Variants in KATNA1 observed in about 807,000 individuals in gnomAD.
The protein encoded by KATNA1 is katanin catalytic subunit A1.
KATNA1 carries 42 observed loss-of-function variants against 62.6 expected under a neutral mutation model. The ratio of observed to expected loss-of-function variants is 0.67; its 90% confidence interval spans 0.52 to 0.87. KATNA1 has a LOEUF of 0.87. Ranked by LOEUF, KATNA1 falls within the 40% of genes least tolerant of loss-of-function variation. The probability of loss-of-function intolerance (pLI) is 0.00; values close to 1 mark genes in which losing one functional copy is unlikely to be tolerated. For synonymous variants in KATNA1, 186 were observed against 201.9 expected (o/e 0.92, Z 0.67); for missense variants, 498 against 612.5 (o/e 0.81, Z 1.97).
intron 1 of KATNA1, among the ~76,000 whole-genome samples, chr6:149,640,827 G>A (rs9689217): frequency 0.27 from 40,512 of 151,602 alleles, 7,042 homozygotes; most frequent in Non-Finnish European, 0.4. Context: ...GATTACAGGC[G>A]TGAGCCACCA....
intron 4 of KATNA1, among the ~76,000 whole-genome samples, chr6:149,607,921 C>T (rs1778802258): frequency 6.6e-6 from 1 of 151,974 alleles, no homozygotes; most frequent in Non-Finnish European, 1.5e-5. Flanking sequence ...CAAAAATTAG[C>T]CAGGTGTGAT....
At chr6:149,618,796 AC>A (rs1225774094) in intron 4 of KATNA1, among the ~76,000 whole-genome samples, 1 of 152,138 alleles carries the variant, frequency 6.6e-6, no homozygotes, top group Non-Finnish European at 1.5e-5. Flanking sequence ...AAGGAGCTAG[AC>A]CCCCTAACTC....
intron 2 of KATNA1, among the ~76,000 whole-genome samples, chr6:149,637,409 T>A (rs1169341501): frequency 6.6e-6 from 1 of 152,038 alleles, no homozygotes; most frequent in Non-Finnish European, 1.5e-5. Flanking sequence ...TCTCAAAAAG[T>A]TTTTTAAAAA....
chr6:149,626,951 T>C (rs562941228), intron 3 of KATNA1, among the ~76,000 whole-genome samples: 19 of 151,986 alleles, frequency 1.3e-4, no homozygotes, highest in Non-Finnish European at 2.5e-4. Context: ...GCCACTGCAC[T>C]CCAGCCTGGG....
intron 4 of KATNA1, among the ~76,000 whole-genome samples, chr6:149,616,568 TG>T (rs1197394425): frequency 1.3e-5 from 2 of 152,204 alleles, no homozygotes; most frequent in Non-Finnish European, 2.9e-5. Flanking sequence ...AAGACCAGCC[TG>T]GCCAACATGG....
intron 3 of KATNA1, among the ~76,000 whole-genome samples, 181 bp from the exon 4 acceptor site, chr6:149,623,464 C>T (rs190174905): frequency 5.3e-5 from 8 of 152,226 alleles, no homozygotes; most frequent in East Asian, 3.9e-4. Flanking sequence ...GGGCAAGGCG[C>T]GGTGGCTCAC....
chr6:149,613,350 A>G (rs113850090), intron 4 of KATNA1, among the ~76,000 whole-genome samples: 1 of 152,190 alleles, frequency 6.6e-6, no homozygotes, highest in Non-Finnish European at 1.5e-5. Flanking sequence ...AATATTTGAC[A>G]TAGTACTGGA....
Position 149,594,934 on chromosome 6 carries a change from C to A in KATNA1, c.*102G>T. ...TAAGGGTTTTTTTAAAAAAATCTTA[C>A]CATTATGAAAGTTAAAAAAAATATA... is the stretch of plus-strand genomic sequence containing the variant. On this transcript the variant is annotated 3_prime_UTR_variant, in exon 11 of 11. Coordinates refer to ENST00000367411, the MANE Select transcript of KATNA1 (RefSeq NM_007044.4). 3 of 869,384 alleles carry A rather than the reference C, an allele frequency of 3.5e-6. No individual in the cohort carries two copies. Among genetic ancestry groups the A allele is most frequent in the Middle Eastern group, 3.5e-4 (1 of 2,842 alleles). 53.9% of individuals were successfully genotyped at this position (869,384 alleles called of 1,614,324 possible).
In KATNA1 at chr6:149,601,685, C is replaced by T. The variant is rs1258126357; in HGVS notation, c.797G>A (p.Cys266Tyr). The stretch of plus-strand genomic sequence containing the variant: ...AGAGACATTGAAGAATGTTGTCTTG[C>T]ATTCTGTAGCTACTGCTTTAGCAAG... ...TLLAKAVATE[C>Y]KTTFFNVSSS... The change falls in exon 7 of 11, where the codon TGC (cysteine) becomes TAC (tyrosine). Residue 266 changes from cysteine to tyrosine, a missense_variant. Around this residue, in one of 3 missense-constraint regions of KATNA1, gnomAD observed 267 missense variants for 372.6 expected, o/e 0.72. Coordinates refer to ENST00000367411, the MANE Select transcript of KATNA1 (RefSeq NM_007044.4). The T allele has an allele frequency of 6.2e-7, 1 of 1,612,894 alleles. No individual in the cohort carries two copies.
chr6:149,618,048 G>A (rs9505981), intron 4 of KATNA1, among the ~76,000 whole-genome samples: 312 of 148,386 alleles, frequency 2.1e-3, no homozygotes, highest in African/African-American at 7.2e-3. Flanking sequence ...CCAGCTACTC[G>A]GCAGGCTGAG....
chr6:149,597,517 A>G lies in KATNA1; in HGVS notation c.1140T>C (p.Pro380=). ...TTGAAAGGAAGATACCTGACGGCAA[A>G]GGAATATAGATTCGTTTCTCAAGGC... The part of the protein sequence containing the change: ...RRRLEKRIYI[P]LPSAKGREEL... Residue 380 remains proline (P), a synonymous_variant, in exon 9 of 11, where the codon CCT becomes CCC. Coordinates refer to ENST00000367411, the MANE Select transcript of KATNA1 (RefSeq NM_007044.4). 1.2e-6 allele frequency: 2 copies of G among 1,613,966 alleles called. No homozygotes were observed. Among genetic ancestry groups the G allele is most frequent in the Non-Finnish European group, 1.7e-6 (2 of 1,179,946 alleles).
intron 1 of KATNA1, among the ~76,000 whole-genome samples, chr6:149,644,807 A>G (rs1188220598): frequency 6.6e-6 from 1 of 152,174 alleles, no homozygotes; most frequent in Non-Finnish European, 1.5e-5. Context: ...TTTAGAAGCC[A>G]ATGAATTGAT....
chr6:149,622,328 C>A (rs1222613441), intron 4 of KATNA1, among the ~76,000 whole-genome samples: 1 of 151,774 alleles, frequency 6.6e-6, no homozygotes, highest in Non-Finnish European at 1.5e-5. Context: ...ACTGTGTTAG[C>A]CAATAATTGT....
chr6:149,613,049 G>A (rs1001489492), intron 4 of KATNA1, among the ~76,000 whole-genome samples: 30 of 150,564 alleles, frequency 2.0e-4, no homozygotes, highest in African/African-American at 3.9e-4. Flanking sequence ...GTGTGGTGGC[G>A]GGCGCCTGTA....
At chr6:149,608,990 T>C (rs2115094845) in intron 4 of KATNA1, among the ~76,000 whole-genome samples, 1 of 152,280 alleles carries the variant, frequency 6.6e-6, no homozygotes, top group Non-Finnish European at 1.5e-5. Context: ...TATGAAAATG[T>C]CCAGGTTTCA....
intron 4 of KATNA1, among the ~76,000 whole-genome samples, chr6:149,621,281 G>A (rs770211665): frequency 2.0e-5 from 3 of 151,216 alleles, no homozygotes; most frequent in Admixed American, 6.6e-5. Context: ...CTGCCACCTC[G>A]CCTGGCTAAT....
intron 3 of KATNA1, 80 bp from the exon 4 acceptor site, chr6:149,623,363 A>G: frequency 1.9e-6 from 2 of 1,034,080 alleles, no homozygotes; most frequent in Non-Finnish European, 2.7e-6. Context: ...TTAAGAGTCT[A>G]TGAACTAAAG....
At chr6:149,615,693 C>T (rs1187158343) in intron 4 of KATNA1, among the ~76,000 whole-genome samples, 3 of 152,016 alleles carry the variant, frequency 2.0e-5, no homozygotes, top group East Asian at 1.9e-4. Context: ...GGTAGGGGCG[C>T]GGATCACTGG....
At chr6:149,596,948 C>T (rs1051067763) in intron 10 of KATNA1, 115 bp downstream of exon 10, 1 of 1,023,738 alleles carries the variant, frequency 9.8e-7, no homozygotes, top group Non-Finnish European at 1.4e-6. Context: ...GTGACTGCGC[C>T]TCTACTCTCC....
Sources: allele counts gnomAD v4.1 joint callset (sites outside exome capture counted in the v4.1 genomes callset), GRCh38; gene constraint gnomAD v4.1.1; regional missense constraint gnomAD v4.1.1; transcripts MANE v1.5; gene names NCBI Gene and HGNC (gene_info 2026-07-23, HGNC 2026-07-21).